ABCD2: variants seen among roughly 807,000 people sequenced by gnomAD.
ABCD2 encodes the protein ATP-binding cassette sub-family D member 2.
ABCD2 carries 36 observed loss-of-function variants against 70.9 expected under a neutral mutation model. That is an observed-to-expected ratio of 0.51 (90% CI 0.39 to 0.67). The LOEUF (loss-of-function observed/expected upper bound fraction) is 0.67. ABCD2 is among the 30% of genes least tolerant of loss of function. ABCD2 has a pLI of 0.00. For synonymous variants in ABCD2, 304 were observed against 306.9 expected, an observed-to-expected ratio of 0.99 and a Z score of 0.10; for missense variants, 729 against 890.2, an observed-to-expected ratio of 0.82 and a Z score of 2.30.
chr12:39,568,120 T>C (rs934656505), intron 9 of ABCD2, among the ~76,000 whole-genome samples: 7 of 151,986 alleles, frequency 4.6e-5, no homozygotes, highest in African/African-American at 1.7e-4. Flanking sequence ...TTGCTCTTCT[T>C]GAGGAGTATC....
At chr12:39,537,103 C>T in the ABCD2 span, among the ~76,000 whole-genome samples, 7 of 152,182 alleles carry the variant, frequency 4.6e-5, no homozygotes, top group South Asian at 1.5e-3. Flanking sequence ...TCACCCTGCC[C>T]TCTGACTCTT....
the ABCD2 span, among the ~76,000 whole-genome samples, chr12:39,534,240 A>G: frequency 6.6e-6 from 1 of 152,206 alleles, no homozygotes. Context: ...GGAGGCTGCA[A>G]TGCTGTAAGG....
At position 39,553,630 on chromosome 12, in the gene ABCD2, A is replaced by T. The variant is rs1941119451; in HGVS notation, c.*282T>A. On this transcript the variant is annotated 3_prime_UTR_variant, in exon 10 of 10. Transcript: ENST00000308666. ...TTCAGACACACCACATATACATAGT[A>T]AATCTGGTATTCATCATGAATTCAC... 2 of 345,160 alleles carry T rather than the reference A, an allele frequency of 5.8e-6. No homozygotes were observed. Among genetic ancestry groups the T allele is most frequent in the South Asian group, 8.7e-5 (2 of 23,110 alleles). 21.4% of individuals were successfully genotyped at this position (345,160 alleles called of 1,614,324 possible). A position where few individuals can be genotyped will look rare whatever the true frequency, so the allele number is the denominator to read the frequency against.
At chr12:39,602,492 T>G (rs956151557) in intron 5 of ABCD2, among the ~76,000 whole-genome samples, 1 of 152,100 alleles carries the variant, frequency 6.6e-6, no homozygotes, top group African/African-American at 2.4e-5. Context: ...AACAAAGGTA[T>G]GAGATCCTTT....
chr12:39,555,820 T>C (rs2120525250), intron 9 of ABCD2, among the ~76,000 whole-genome samples: 1 of 152,206 alleles, frequency 6.6e-6, no homozygotes. Flanking sequence ...CAACAAACTA[T>C]AGAAGCCATG....
intron 1 of ABCD2, 99 bp from the exon 2 acceptor site, chr12:39,617,267 A>G: frequency 1.4e-6 from 1 of 707,668 alleles, no homozygotes; most frequent in South Asian, 4.2e-5. Context: ...CTTAACCAAT[A>G]AATGCAGATT....
At chr12:39,531,878 T>G in the ABCD2 span, among the ~76,000 whole-genome samples, 4 of 152,254 alleles carry the variant, frequency 2.6e-5, no homozygotes, top group African/African-American at 9.6e-5. Context: ...GGCGCCTGGA[T>G]TGAAAAATCG....
intron 5 of ABCD2, among the ~76,000 whole-genome samples, chr12:39,601,430 T>G (rs1451644455): frequency 6.6e-6 from 1 of 151,720 alleles, no homozygotes; most frequent in Non-Finnish European, 1.5e-5. Context: ...GGTTATTTAT[T>G]TCTTATCTAT....
chr12:39,572,924 A>G (rs541637060), intron 9 of ABCD2, among the ~76,000 whole-genome samples: 9 of 152,340 alleles, frequency 5.9e-5, no homozygotes, highest in African/African-American at 2.2e-4. Flanking sequence ...TAGAGAATGT[A>G]GTATTTATGG....
At chr12:39,549,246 G>T (rs1358561975), downstream of ABCD2, among the ~76,000 whole-genome samples, 1 of 151,944 alleles carries the variant, frequency 6.6e-6, no homozygotes, top group Non-Finnish European at 1.5e-5. Context: ...ATTATTGAGG[G>T]AATCCTGCTG....
chr12:39,544,701 G>A, the ABCD2 span, among the ~76,000 whole-genome samples: 1 of 151,846 alleles, frequency 6.6e-6, no homozygotes, highest in Admixed American at 6.6e-5. Flanking sequence ...ATAGGAAAAG[G>A]CTGTGGATCG....
intron 9 of ABCD2, among the ~76,000 whole-genome samples, chr12:39,572,788 AAGAG>A (rs914847169): frequency 6.6e-6 from 1 of 152,280 alleles, no homozygotes; most frequent in South Asian, 2.1e-4. Context: ...TGCAGCCAGA[AAGAG>A]AGAGAGGAGG....
the ABCD2 span, among the ~76,000 whole-genome samples, chr12:39,536,698 CT>C: frequency 6.6e-6 from 1 of 152,128 alleles, no homozygotes; most frequent in East Asian, 1.9e-4. Flanking sequence ...ACTGGACAAC[CT>C]TGAGAGGTGA....
chr12:39,546,402 T>A (rs750248221), downstream of ABCD2, among the ~76,000 whole-genome samples: 21 of 152,290 alleles, frequency 1.4e-4, no homozygotes, highest in Non-Finnish European at 1.6e-4. Flanking sequence ...CTAGGTGCCA[T>A]GAATACTAAC....
rs768562728 is a variant in ABCD2, at chr12:39,619,606, T to A, written c.10A>T (p.Met4Leu). Residue 4 changes from methionine to leucine, a missense_variant, in exon 1 of 10, where the codon ATG (methionine) becomes TTG (leucine). Physicochemically the swap from Met to Leu is conservative, Grantham distance 15 (BLOSUM62 2). This residue lies in a region of ABCD2 where 245 missense variants were observed against 261.2 expected (regional missense o/e 0.94). Coordinates refer to ENST00000308666, the MANE Select transcript of ABCD2 (RefSeq NM_005164.4). ...ACTCGATCAGCTGCTGCATTTAGCATATGTGTCATTTTCCCAGTTACCCAA... is the reference window on the plus strand; with the variant it reads ...ACTCGATCAGCTGCTGCATTTAGCAAATGTGTCATTTTCCCAGTTACCCAA... MTH[M>L]LNAAADRVKW... 1.9e-6 allele frequency: 3 copies of A among 1,604,668 alleles called. No homozygotes were observed. The highest frequency in any genetic ancestry group is 2.5e-6 in the Non-Finnish European group (3 of 1,177,546).
chr12:39,536,297 T>C, the ABCD2 span, among the ~76,000 whole-genome samples: 1 of 152,226 alleles, frequency 6.6e-6, no homozygotes, highest in Non-Finnish European at 1.5e-5. Context: ...TTTTTGAGAA[T>C]GTATCAGACC....
rs143355396 is a variant in ABCD2 at position 39,570,820 on chromosome 12, T to C, written c.2003+2896A>G. Reference sequence around the variant, plus strand: ...AATCAACAGAATGAAGAGATACCTATCAAATTGGAGAAAATATTTGGAAAC... The same window carrying C: ...AATCAACAGAATGAAGAGATACCTACCAAATTGGAGAAAATATTTGGAAAC... On this transcript the variant is annotated intron_variant, in intron 9 of 9. Transcript: ENST00000308666. 4.1e-3 allele frequency among the ~76,000 whole-genome samples: 617 copies of C among 152,190 alleles called. 5 individuals carry two copies. The highest frequency in any genetic ancestry group is 0.013 in the African/African-American group (539 of 41,528).
chr12:39,613,609 T>C (rs1363875497), intron 2 of ABCD2, among the ~76,000 whole-genome samples: 1 of 152,152 alleles, frequency 6.6e-6, no homozygotes, highest in Admixed American at 6.5e-5. Flanking sequence ...CCCATCTTCC[T>C]TATAGAATAA....
Position 39,553,710 on chromosome 12 carries a change from T to A in ABCD2, c.*202A>T. On this transcript the variant is annotated 3_prime_UTR_variant, in exon 10 of 10. Transcript: ENST00000308666. Reference sequence around the variant, plus strand: ...GGCCTTCACTAGGAATTAGTATAAGTCATAATGACTGACCTTACATAATGC... The same window carrying A: ...GGCCTTCACTAGGAATTAGTATAAGACATAATGACTGACCTTACATAATGC... The A allele has an allele frequency of 1.8e-6, 1 of 543,160 alleles. No individual in the cohort carries two copies. The highest frequency in any genetic ancestry group is 3.0e-5 in the East Asian group (1 of 33,216). The allele number at this position is 543,160 out of a possible 1,614,324, so 33.6% of individuals were successfully genotyped here.
Sources: allele counts gnomAD v4.1 joint callset (sites outside exome capture counted in the v4.1 genomes callset), GRCh38; gene constraint gnomAD v4.1.1; regional missense constraint gnomAD v4.1.1; transcripts MANE v1.5; gene names NCBI Gene and HGNC (gene_info 2026-07-23, HGNC 2026-07-21).